Variants in PACRG observed in about 807,000 individuals in gnomAD.
The protein encoded by PACRG is parkin coregulated.
PACRG carries 29 observed loss-of-function variants against 29.7 expected under a neutral mutation model. That is an observed-to-expected ratio of 0.98 (90% CI 0.73 to 1.33). PACRG has a LOEUF of 1.33. PACRG is among the 40% of genes most tolerant of loss of function. The pLI is 0.00. For synonymous variants in PACRG, 116 were observed against 118.7 expected (o/e 0.98, Z 0.15); for missense variants, 279 against 316.2 (o/e 0.88, Z 0.89).
At chr6:162,860,659 C>A (rs958673269) in intron 2 of PACRG, among the ~76,000 whole-genome samples, 1 of 152,184 alleles carries the variant, frequency 6.6e-6, no homozygotes, top group Non-Finnish European at 1.5e-5. Context: ...TTAATGGTTT[C>A]TCTCAAATTC....
At chr6:163,073,603 C>T (rs1181194389) in intron 3 of PACRG, among the ~76,000 whole-genome samples, 5 of 152,050 alleles carry the variant, frequency 3.3e-5, no homozygotes, top group Non-Finnish European at 7.4e-5. Context: ...AAGTTATAAA[C>T]CTTTTGCATA....
At chr6:162,994,388 G>A (rs755042335) in intron 2 of PACRG, among the ~76,000 whole-genome samples, 2 of 148,584 alleles carry the variant, frequency 1.3e-5, no homozygotes, top group South Asian at 2.1e-4. Context: ...CCAATCAGAC[G>A]TAGATTTGGT....
chr6:163,269,989 AAGAAAGAAAG>A (rs1783758334), intron 4 of PACRG, among the ~76,000 whole-genome samples: 2 of 123,244 alleles, frequency 1.6e-5, no homozygotes, highest in East Asian at 4.3e-4. Flanking sequence ...GAAAGAAAGA[AAGAAAGAAAG>A]AAAGAAAGGA....
At chr6:163,046,181 C>T (rs1809352071) in intron 2 of PACRG, among the ~76,000 whole-genome samples, 1 of 151,048 alleles carries the variant, frequency 6.6e-6, no homozygotes, top group Non-Finnish European at 1.5e-5. Context: ...TGTGCCATCA[C>T]TCAGGGGGTA....
At chr6:162,756,358 C>T (rs1296732361) in intron 1 of PACRG, among the ~76,000 whole-genome samples, 2 of 152,122 alleles carry the variant, frequency 1.3e-5, no homozygotes, top group African/African-American at 2.4e-5. Context: ...ATTGTTAGGT[C>T]TTCATGGTGA....
chr6:162,854,166 G>GTTT lies in PACRG; in HGVS notation c.291+39897_291+39899dup, dbSNP rs60399122. Among the ~76,000 whole-genome samples the GTTT allele has an allele frequency of 4.8e-3, 676 of 140,268 alleles. 7 individuals are homozygous for GTTT. The highest frequency in any genetic ancestry group is 0.013 in the South Asian group (60 of 4,474). The allele number at this position is 140,268 out of a possible 152,430, so 92.0% of individuals were successfully genotyped here. ...GGGAGAAGGAGACCATTTTCTTTCT[G>GTTT]TTTTTTTTTTTTTTAATTGAATGAT... On this transcript the variant is annotated intron_variant, in intron 2 of 4. Coordinates refer to ENST00000366888, the MANE Select transcript of PACRG (RefSeq NM_001080379.2).
chr6:163,076,568 G>A (rs1812565842), intron 3 of PACRG, among the ~76,000 whole-genome samples: 1 of 152,172 alleles, frequency 6.6e-6, no homozygotes, highest in African/African-American at 2.4e-5. Context: ...TCTTTGGCAT[G>A]GCTTTCAAGG....
intron 3 of PACRG, among the ~76,000 whole-genome samples, chr6:163,079,810 A>C (rs1178987864): frequency 6.8e-6 from 1 of 146,612 alleles, no homozygotes; most frequent in Non-Finnish European, 1.5e-5. Flanking sequence ...CTTTCTTTAC[A>C]CTCCACTGCT....
At chr6:162,751,411 T>C (rs1781505882) in intron 1 of PACRG, among the ~76,000 whole-genome samples, 1 of 152,184 alleles carries the variant, frequency 6.6e-6, no homozygotes, top group African/African-American at 2.4e-5. Context: ...TAATTGTCAT[T>C]TGTTTCTGCT....
At position 162,728,289 on chromosome 6, in the gene PACRG, G is replaced by T; in HGVS notation, c.54G>T (p.Pro18=). The T allele has an allele frequency of 1.2e-6, 2 of 1,614,036 alleles. No individual in the cohort carries two copies. The highest frequency in any genetic ancestry group is 1.7e-6 in the Non-Finnish European group (2 of 1,180,028). The change falls in exon 1 of 5, where the codon CCG becomes CCT. Residue 18 remains proline, a synonymous_variant. Transcript: ENST00000366888. ...LSLNKCPDKM[P]KRTKLLAQQP... is the part of the protein sequence containing the mutation. Reference sequence around the variant, plus strand: ...TAAACAAATGCCCAGACAAGATGCCGAAGAGGACCAAGCTGCTGGCACAAC... The same window carrying T: ...TAAACAAATGCCCAGACAAGATGCCTAAGAGGACCAAGCTGCTGGCACAAC...
chr6:162,962,660 G>T (rs1319687724), intron 2 of PACRG, among the ~76,000 whole-genome samples: 2 of 152,186 alleles, frequency 1.3e-5, no homozygotes, highest in Non-Finnish European at 2.9e-5. Context: ...CCCTCATCAG[G>T]AACCACATCT....
chr6:163,237,758 T>C (rs1011270532), intron 4 of PACRG, among the ~76,000 whole-genome samples: 3 of 152,192 alleles, frequency 2.0e-5, no homozygotes, highest in Non-Finnish European at 4.4e-5. Context: ...AAACTCTTTC[T>C]TTATAGAAGT....
chr6:162,876,256 G>A (rs1211320775), intron 2 of PACRG, among the ~76,000 whole-genome samples: 4 of 152,204 alleles, frequency 2.6e-5, no homozygotes, highest in Admixed American at 2.6e-4. Context: ...CTGACAAGGA[G>A]GAGGTCAAGA....
chr6:163,014,020 G>A (rs1042201435), intron 2 of PACRG, among the ~76,000 whole-genome samples: 4 of 152,094 alleles, frequency 2.6e-5, no homozygotes, highest in East Asian at 1.9e-4. Flanking sequence ...TGTAATATAC[G>A]TCACATAGGA....
intron 4 of PACRG, among the ~76,000 whole-genome samples, chr6:163,217,191 C>A (rs1279583218): frequency 6.6e-6 from 1 of 152,226 alleles, no homozygotes; most frequent in Non-Finnish European, 1.5e-5. Context: ...GTACCGCTCC[C>A]TGCAGAAGCT....
At chr6:162,928,231 G>T (rs1480274739) in intron 2 of PACRG, among the ~76,000 whole-genome samples, 1 of 151,734 alleles carries the variant, frequency 6.6e-6, no homozygotes, top group South Asian at 2.1e-4. Context: ...GCTCTTCTTG[G>T]CTCAATTTTG....
At chr6:163,113,250 G>A (rs1367830498) in intron 4 of PACRG, among the ~76,000 whole-genome samples, 1 of 152,128 alleles carries the variant, frequency 6.6e-6, no homozygotes, top group Non-Finnish European at 1.5e-5. Flanking sequence ...AAGAGTGAGG[G>A]ACCTGTGGAA....
At chr6:162,736,879 G>A (rs1213402262) in intron 1 of PACRG, among the ~76,000 whole-genome samples, 1 of 151,976 alleles carries the variant, frequency 6.6e-6, no homozygotes, top group Non-Finnish European at 1.5e-5. Context: ...AAGCTCATAA[G>A]CATTTAAAAG....
At chr6:162,966,316 A>G (rs1194066902) in intron 2 of PACRG, among the ~76,000 whole-genome samples, 2 of 152,110 alleles carry the variant, frequency 1.3e-5, no homozygotes, top group Non-Finnish European at 1.5e-5. Context: ...TTCTCTTTCA[A>G]TTAGAAGTAG....
Sources: allele counts gnomAD v4.1 joint callset (sites outside exome capture counted in the v4.1 genomes callset), GRCh38; gene constraint gnomAD v4.1.1; transcripts MANE v1.5; gene names NCBI Gene and HGNC (gene_info 2026-07-23, HGNC 2026-07-21).